The following MAPK8 variants were observed in gnomAD, a reference collection of about 807,000 sequenced individuals.
MAPK8 encodes JUN N-terminal kinase.
MAPK8 carries 13 observed loss-of-function variants against 52.9 expected under a neutral mutation model. That is an observed-to-expected ratio of 0.25 (90% CI 0.16 to 0.39). The LOEUF is 0.39. MAPK8 is among the 10% of genes least tolerant of loss of function. The pLI is 1.00. For missense variants in MAPK8, 300 were observed against 519.2 expected (o/e 0.58, Z 4.10); for synonymous variants, 191 against 169.8 (o/e 1.12, Z -0.97).
At chr10:48,312,745 C>A (rs991912368) in intron 1 of MAPK8, among the ~76,000 whole-genome samples, 6 of 152,152 alleles carry the variant, frequency 3.9e-5, no homozygotes, top group Non-Finnish European at 5.9e-5. Flanking sequence ...TAAACAAAAA[C>A]CAAAGCATCT....
At chr10:48,333,074 A>G (rs1427793453) in intron 1 of MAPK8, among the ~76,000 whole-genome samples, 1 of 152,150 alleles carries the variant, frequency 6.6e-6, no homozygotes, top group African/African-American at 2.4e-5. Context: ...TTATCTCATC[A>G]TGTAGTAGAG....
chr10:48,393,688 AGTT>A (rs1301599421), intron 1 of MAPK8, among the ~76,000 whole-genome samples: 1 of 152,070 alleles, frequency 6.6e-6, no homozygotes. Context: ...ATGGATATGA[AGTT>A]GTCAGATGAA....
intron 6 of MAPK8, among the ~76,000 whole-genome samples, chr10:48,421,917 A>C (rs2043381354): frequency 6.6e-6 from 1 of 152,182 alleles, no homozygotes; most frequent in South Asian, 2.1e-4. Flanking sequence ...AGTCAAATGT[A>C]ATGCTTAATG....
intron 3 of MAPK8, among the ~76,000 whole-genome samples, chr10:48,406,832 A>T (rs2042498262): frequency 6.6e-6 from 1 of 152,200 alleles, no homozygotes; most frequent in African/African-American, 2.4e-5. Flanking sequence ...AGCACACACT[A>T]CTGCATAAGC....
At chr10:48,397,772 G>T (rs1019137888) in intron 1 of MAPK8, among the ~76,000 whole-genome samples, 1 of 151,992 alleles carries the variant, frequency 6.6e-6, no homozygotes, top group African/African-American at 2.4e-5. Flanking sequence ...TGTGTTTTTA[G>T]TACAGACAGG....
At chr10:48,397,655 A>G (rs1321991729) in intron 1 of MAPK8, among the ~76,000 whole-genome samples, 1 of 152,046 alleles carries the variant, frequency 6.6e-6, no homozygotes, top group East Asian at 1.9e-4. Context: ...CAGTGGTACG[A>G]TCTTGGCTCA....
intron 1 of MAPK8, among the ~76,000 whole-genome samples, chr10:48,384,760 G>A (rs540943473): frequency 8.5e-5 from 13 of 152,350 alleles, no homozygotes; most frequent in Admixed American, 1.3e-4. Context: ...GGAAGAACAT[G>A]AGAGTTTCAT....
At chr10:48,400,881 G>A (rs1237762388) in intron 1 of MAPK8, among the ~76,000 whole-genome samples, 1 of 152,212 alleles carries the variant, frequency 6.6e-6, no homozygotes, top group Non-Finnish European at 1.5e-5. Context: ...CCTACAAGTA[G>A]TAAAGGAATG....
chr10:48,371,740 C>T (rs1159357413), intron 1 of MAPK8, among the ~76,000 whole-genome samples: 2 of 152,046 alleles, frequency 1.3e-5, no homozygotes, highest in East Asian at 3.9e-4. Flanking sequence ...CAACACTGCC[C>T]CCCTACTTCA....
chr10:48,419,953 CTG>C (rs1284409052), intron 5 of MAPK8, among the ~76,000 whole-genome samples, 200 bp from the exon 6 acceptor site: 1 of 152,150 alleles, frequency 6.6e-6, no homozygotes, highest in East Asian at 1.9e-4. Context: ...TCTCTAATAA[CTG>C]TATGTATTCA....
intron 6 of MAPK8, among the ~76,000 whole-genome samples, chr10:48,422,216 G>C (rs1457332008): frequency 6.6e-6 from 1 of 151,954 alleles, no homozygotes; most frequent in African/African-American, 2.4e-5. Context: ...ATTTTTAGTA[G>C]AGACAGGGTC....
intron 5 of MAPK8, among the ~76,000 whole-genome samples, chr10:48,412,601 A>G (rs1336780670): frequency 6.6e-6 from 1 of 152,150 alleles, no homozygotes; most frequent in African/African-American, 2.4e-5. Flanking sequence ...CCCAGGCAGC[A>G]TTGGGCTATT....
At chr10:48,431,657 GTCTT>G (rs2044279030) in intron 11 of MAPK8, among the ~76,000 whole-genome samples, 3 of 152,142 alleles carry the variant, frequency 2.0e-5, no homozygotes. Context: ...CCAAATTGCT[GTCTT>G]TCTCTTTTTG....
chr10:48,312,130 A>G (rs1842037492), intron 1 of MAPK8, among the ~76,000 whole-genome samples: 1 of 152,150 alleles, frequency 6.6e-6, no homozygotes. Context: ...CTTTGTACTC[A>G]CTCGATAAAC....
At chr10:48,323,184 A>T (rs958495653) in intron 1 of MAPK8, among the ~76,000 whole-genome samples, 3 of 152,196 alleles carry the variant, frequency 2.0e-5, no homozygotes, top group Non-Finnish European at 4.4e-5. Flanking sequence ...ATATTTTTGC[A>T]AAGTTTGGGA....
At chr10:48,329,508 CT>C (rs35984344) in intron 1 of MAPK8, among the ~76,000 whole-genome samples, 3 of 150,020 alleles carry the variant, frequency 2.0e-5, no homozygotes, top group African/African-American at 4.9e-5. Flanking sequence ...ATGAGGCCTC[CT>C]TTTTTTTTAA....
intron 1 of MAPK8, among the ~76,000 whole-genome samples, chr10:48,396,199 T>C (rs1398215363): frequency 6.6e-6 from 1 of 152,128 alleles, no homozygotes; most frequent in East Asian, 1.9e-4. Context: ...GGAAATCGCA[T>C]GTCTGATAAA....
chr10:48,313,077 A>G (rs1363919328), intron 1 of MAPK8, among the ~76,000 whole-genome samples: 2 of 152,224 alleles, frequency 1.3e-5, no homozygotes, highest in East Asian at 3.9e-4. Flanking sequence ...CTACCGTGTT[A>G]TCCAAAATCC....
chr10:48,411,734 C>T (rs984044352), intron 5 of MAPK8, among the ~76,000 whole-genome samples: 27 of 152,094 alleles, frequency 1.8e-4, no homozygotes, highest in Non-Finnish European at 7.4e-5. Flanking sequence ...TTTAGTCTTC[C>T]AATTCACAAA....
Sources: gnomAD v4.1 joint callset for allele counts (sites outside exome capture counted in the v4.1 genomes callset) on GRCh38, gnomAD v4.1.1 for gene constraint, MANE v1.5 for transcripts, NCBI Gene and HGNC (gene_info 2026-07-23, HGNC 2026-07-21) for gene names.